The following CACNA1C variants were observed in gnomAD, a reference collection of about 807,000 sequenced individuals.
CACNA1C encodes the protein voltage-dependent L-type calcium channel subunit alpha-1C.
A neutral mutation model predicts 229.0 loss-of-function variants in CACNA1C; 30 were observed. That is an observed-to-expected ratio of 0.13 (90% confidence interval 0.10 to 0.18). The LOEUF is 0.18. CACNA1C is among the 10% of genes least tolerant of loss of function. The pLI is 1.00. For synonymous variants in CACNA1C, 1,114 were observed against 1,132.5 expected, an observed-to-expected ratio of 0.98 and a Z score of 0.33; for missense variants, 1,658 against 2,845.0, an observed-to-expected ratio of 0.58 and a Z score of 9.49.
At chr12:2,309,477 C>CCACACACACACACATA (rs1853319326) in intron 3 of CACNA1C, among the ~76,000 whole-genome samples, 2 of 150,740 alleles carry the variant, frequency 1.3e-5, no homozygotes, top group Admixed American at 6.6e-5. Flanking sequence ...GCCTATGACA[C>CCACACACACACACATA]CACACACACA....
chr12:2,650,525 G>A (rs1416710661), intron 31 of CACNA1C, among the ~76,000 whole-genome samples: 1 of 152,160 alleles, frequency 6.6e-6, no homozygotes, highest in Non-Finnish European at 1.5e-5. Context: ...CGCAGGTCTG[G>A]GTGAGCTGCA....
At chr12:2,382,310 G>C (rs1005345433) in intron 3 of CACNA1C, among the ~76,000 whole-genome samples, 1 of 152,106 alleles carries the variant, frequency 6.6e-6, no homozygotes, top group Non-Finnish European at 1.5e-5. Flanking sequence ...CAAAATTCTG[G>C]TAATCCACTA....
intron 3 of CACNA1C, among the ~76,000 whole-genome samples, chr12:2,211,005 A>C (rs568692073): frequency 6.6e-6 from 1 of 152,218 alleles, no homozygotes; most frequent in Non-Finnish European, 1.5e-5. Flanking sequence ...CTTGGGATGC[A>C]TTTTAGCAGA....
chr12:2,489,536 G>A (rs1000814614), intron 6 of CACNA1C, among the ~76,000 whole-genome samples: 4 of 152,186 alleles, frequency 2.6e-5, no homozygotes, highest in African/African-American at 9.6e-5. Context: ...TCTGTTTGAT[G>A]GTGCACTGAG....
intron 1 of CACNA1C, chr12:2,020,350 C>T (rs115849332): frequency 6.6e-6 from 1 of 152,196 alleles, no homozygotes; most frequent in Admixed American, 6.5e-5. Flanking sequence ...AGTGTCACCC[C>T]TGGTAGCTGA....
chr12:2,370,096 A>G (rs1349489836), intron 3 of CACNA1C, among the ~76,000 whole-genome samples: 1 of 152,244 alleles, frequency 6.6e-6, no homozygotes, highest in Non-Finnish European at 1.5e-5. Context: ...ATAAACTACA[A>G]ACTGGTAAAT....
intron 1 of CACNA1C, among the ~76,000 whole-genome samples, chr12:2,095,491 C>T (rs1387324619): frequency 2.0e-5 from 3 of 152,234 alleles, no homozygotes; most frequent in African/African-American, 4.8e-5. Context: ...ATGGACTTCT[C>T]CTGACCTCCC....
chr12:2,391,790 T>C (rs1027310668), intron 3 of CACNA1C, among the ~76,000 whole-genome samples: 3 of 152,244 alleles, frequency 2.0e-5, no homozygotes, highest in African/African-American at 7.2e-5. Flanking sequence ...CCTCTAGACC[T>C]GGGCTATCGA....
At chr12:2,131,980 T>C (rs1454877136) in intron 3 of CACNA1C, among the ~76,000 whole-genome samples, 1 of 142,562 alleles carries the variant, frequency 7.0e-6, no homozygotes, top group Non-Finnish European at 1.5e-5. Context: ...TTTTATTTCC[T>C]TGAGCAGTGG....
chr12:2,076,542 T>G (rs1595172460), intron 1 of CACNA1C, among the ~76,000 whole-genome samples: 1 of 139,958 alleles, frequency 7.1e-6, no homozygotes, highest in Non-Finnish European at 1.5e-5. Flanking sequence ...CTTTTCCCCC[T>G]CCTTTCTTCC....
At chr12:2,080,543 G>A (rs2065140490) in intron 1 of CACNA1C, among the ~76,000 whole-genome samples, 1 of 150,794 alleles carries the variant, frequency 6.6e-6, no homozygotes, top group Non-Finnish European at 1.5e-5. Flanking sequence ...GGAGCTTGCA[G>A]TGAGCCAAGA....
At chr12:1,974,883 T>C (rs1274604112) in intron 1 of CACNA1C, among the ~76,000 whole-genome samples, 2 of 152,200 alleles carry the variant, frequency 1.3e-5, no homozygotes, top group Non-Finnish European at 2.9e-5. Flanking sequence ...TGTCTATTTA[T>C]GCTTAAGCTT....
At chr12:2,001,831 T>C (rs2042259540) in intron 1 of CACNA1C, among the ~76,000 whole-genome samples, 1 of 152,176 alleles carries the variant, frequency 6.6e-6, no homozygotes, top group African/African-American at 2.4e-5. Context: ...CTCTACTCTA[T>C]AGATGTCACA....
intron 4 of CACNA1C, among the ~76,000 whole-genome samples, chr12:2,451,080 G>T (rs1440884079): frequency 6.6e-6 from 1 of 152,108 alleles, no homozygotes; most frequent in East Asian, 1.9e-4. Flanking sequence ...TGAACCTCAG[G>T]AATATTTGGG....
chr12:1,999,984 G>A (rs911392715), intron 1 of CACNA1C, among the ~76,000 whole-genome samples: 2 of 152,186 alleles, frequency 1.3e-5, no homozygotes, highest in Admixed American at 1.3e-4. Flanking sequence ...AAACAAACAT[G>A]GTTAATTCCT....
At chr12:2,198,923 A>G (rs2097502846) in intron 3 of CACNA1C, among the ~76,000 whole-genome samples, 1 of 152,158 alleles carries the variant, frequency 6.6e-6, no homozygotes, top group Non-Finnish European at 1.5e-5. Context: ...TCTTTTAAGA[A>G]CTTTTCCTGC....
chr12:2,128,290 T>C (rs16929134), intron 3 of CACNA1C, among the ~76,000 whole-genome samples: 5,106 of 152,216 alleles, frequency 0.034, 263 homozygotes, highest in African/African-American at 0.11. Context: ...TATGTGAAAA[T>C]ATTTTAAAGA....
At chr12:2,571,653 A>C (rs981644854) in intron 13 of CACNA1C, among the ~76,000 whole-genome samples, 1 of 152,224 alleles carries the variant, frequency 6.6e-6, no homozygotes, top group Non-Finnish European at 1.5e-5. Context: ...AAGGAGTAGT[A>C]GTATTTTCAG....
chr12:2,242,389 G>C (rs1374282330), intron 3 of CACNA1C, among the ~76,000 whole-genome samples: 2 of 152,150 alleles, frequency 1.3e-5, no homozygotes, highest in Non-Finnish European at 2.9e-5. Flanking sequence ...GGGGGACCAG[G>C]GTAACTGTGA....
Sources: gnomAD v4.1 joint callset for allele counts (sites outside exome capture counted in the v4.1 genomes callset) on GRCh38, gnomAD v4.1.1 for gene constraint, MANE v1.5 for transcripts, NCBI Gene and HGNC (gene_info 2026-07-23, HGNC 2026-07-21) for gene names.